ARK2N: variants seen among roughly 807,000 people sequenced by gnomAD.
ARK2N encodes the protein protein ARK2N.
chr18:46,192,428 T>C, the ARK2N span, among the ~76,000 whole-genome samples: 1 of 151,672 alleles, frequency 6.6e-6, no homozygotes, highest in Admixed American at 6.6e-5. Flanking sequence ...AAAAAAAAAA[T>C]TATCTGGGCG....
chr18:46,243,551 C>T, the ARK2N span, among the ~76,000 whole-genome samples: 1 of 152,096 alleles, frequency 6.6e-6, no homozygotes, highest in Admixed American at 6.6e-5. Flanking sequence ...TAGTTTTAAC[C>T]TAGGCAAAAG....
At chr18:46,194,805 A>T in the ARK2N span, among the ~76,000 whole-genome samples, 3 of 126,702 alleles carry the variant, frequency 2.4e-5, no homozygotes, top group Non-Finnish European at 5.0e-5. Context: ...AATTTAATTA[A>T]TTTTTTTTTT....
chr18:46,202,172 C>T, the ARK2N span, among the ~76,000 whole-genome samples: 1 of 152,138 alleles, frequency 6.6e-6, no homozygotes, highest in Non-Finnish European at 1.5e-5. Flanking sequence ...TCTAGTATTT[C>T]TAGGTTGTTT....
the ARK2N span, among the ~76,000 whole-genome samples, chr18:46,255,061 G>A: frequency 6.6e-6 from 1 of 152,124 alleles, no homozygotes; most frequent in African/African-American, 2.4e-5. Flanking sequence ...TTTTACTCTG[G>A]TTACCCAGGT....
the ARK2N span, among the ~76,000 whole-genome samples, chr18:46,188,192 T>C: frequency 6.6e-6 from 1 of 152,200 alleles, no homozygotes; most frequent in Non-Finnish European, 1.5e-5. Flanking sequence ...ATTTTGTCCT[T>C]TAAAATCTTA....
chr18:46,250,525 C>T, the ARK2N span, among the ~76,000 whole-genome samples: 1 of 151,306 alleles, frequency 6.6e-6, no homozygotes, highest in Non-Finnish European at 1.5e-5. Flanking sequence ...CAGTATTTTC[C>T]ATTGTTTTTT....
chr18:46,252,965 A>G, the ARK2N span, among the ~76,000 whole-genome samples: 1 of 152,222 alleles, frequency 6.6e-6, no homozygotes, highest in Non-Finnish European at 1.5e-5. Flanking sequence ...AAGTCCTTAC[A>G]TCCCCCAGTG....
At chr18:46,210,348 C>G in the ARK2N span, among the ~76,000 whole-genome samples, 2 of 152,092 alleles carry the variant, frequency 1.3e-5, no homozygotes, top group Non-Finnish European at 2.9e-5. Flanking sequence ...AAGGCATTGT[C>G]AAAGATAACT....
At chr18:46,186,718 C>T in the ARK2N span, among the ~76,000 whole-genome samples, 1 of 151,914 alleles carries the variant, frequency 6.6e-6, no homozygotes, top group Non-Finnish European at 1.5e-5. Context: ...CTGTGTTAGC[C>T]AGGATGGTTT....
At chr18:46,177,869 CT>C in the ARK2N span, among the ~76,000 whole-genome samples, 3 of 151,896 alleles carry the variant, frequency 2.0e-5, no homozygotes, top group Non-Finnish European at 4.4e-5. Flanking sequence ...TGCCGCTGCA[CT>C]CCAGCCTGGG....
the ARK2N span, among the ~76,000 whole-genome samples, chr18:46,246,064 A>G: frequency 5.3e-5 from 8 of 152,302 alleles, no homozygotes; most frequent in South Asian, 6.2e-4. Flanking sequence ...TCAGTTTAAT[A>G]TATGGTAATT....
At chr18:46,240,157 G>A in the ARK2N span, 30 of 1,614,098 alleles carry the variant, frequency 1.9e-5, no homozygotes, top group South Asian at 3.3e-5. Flanking sequence ...GAGGACCAGC[G>A]GGCTTCTAGA....
chr18:46,175,715 C>T, the ARK2N span, among the ~76,000 whole-genome samples: 1 of 152,188 alleles, frequency 6.6e-6, no homozygotes, highest in East Asian at 1.9e-4. Flanking sequence ...GTTGGCCAAG[C>T]TGGTCTTGAC....
chr18:46,261,380 T>TA, the ARK2N span, among the ~76,000 whole-genome samples: 2 of 152,324 alleles, frequency 1.3e-5, no homozygotes, highest in South Asian at 4.1e-4. Context: ...AGAGTGAGGA[T>TA]AGTAAATTCC....
chr18:46,210,796 G>A, the ARK2N span, among the ~76,000 whole-genome samples: 1 of 151,974 alleles, frequency 6.6e-6, no homozygotes, highest in Non-Finnish European at 1.5e-5. Flanking sequence ...TGTAGTCTCA[G>A]CTACTTGAGG....
chr18:46,223,269 A>G, the ARK2N span, among the ~76,000 whole-genome samples: 1 of 152,238 alleles, frequency 6.6e-6, no homozygotes, highest in Non-Finnish European at 1.5e-5. Context: ...CTTTGGGGAA[A>G]GGTATGTCCT....
chr18:46,173,722 G>A, the ARK2N span: 1 of 152,414 alleles, frequency 6.6e-6, no homozygotes, highest in Non-Finnish European at 1.5e-5. Flanking sequence ...GGTGAGTACT[G>A]AGCAGCGCAC....
chr18:46,225,953 AAAACTGAAAATTTTAGTG>A, the ARK2N span, among the ~76,000 whole-genome samples: 1 of 152,330 alleles, frequency 6.6e-6, no homozygotes, highest in East Asian at 1.9e-4. Flanking sequence ...AATAAAACAA[AAAACTGAAAATTTTAGTG>A]AACCCAAATA....
chr18:46,216,288 T>G, the ARK2N span: 19 of 1,613,674 alleles, frequency 1.2e-5, no homozygotes, highest in African/African-American at 8.0e-5. This position sits in a 1 kb window ranked among gnomAD's most constrained non-coding sequence, Gnocchi z 4.3. Context: ...GTGCCACAGT[T>G]GGGCGCAAGT....
Sources: gnomAD v4.1 joint callset for allele counts (sites outside exome capture counted in the v4.1 genomes callset) on GRCh38, gnomAD v4.1.1 for gene constraint, Gnocchi (gnomAD v3.1) non-coding constraint, MANE v1.5 for transcripts, NCBI Gene and HGNC (gene_info 2026-07-23, HGNC 2026-07-21) for gene names.